VKORC1L1: variants seen among roughly 807,000 people sequenced by gnomAD.
VKORC1L1 encodes vitamin K epoxide reductase complex subunit 1L1, also known as vitamin K epoxide reductase complex subunit 1-like protein 1.
VKORC1L1 carries 2 observed loss-of-function variants against 18.9 expected under a neutral mutation model. The ratio of observed to expected loss-of-function variants is 0.11; its 90% CI spans 0.04 to 0.33. VKORC1L1 has a LOEUF of 0.33. Ranked by LOEUF, VKORC1L1 falls within the 10% of genes least tolerant of loss-of-function variation. The probability of loss-of-function intolerance (pLI) is 1.00; values close to 1 mark genes in which losing one functional copy is unlikely to be tolerated. For missense variants in VKORC1L1, 123 were observed against 224.1 expected (o/e 0.55, Z 2.88); for synonymous variants, 96 against 100.0 (o/e 0.96, Z 0.24).
In VKORC1L1 at chr7:65,942,372, G is replaced by A. The variant is rs535777736; in HGVS notation, c.195-6299G>A. ...CCTGACATGGTGGCGGGCACCTATA[G>A]TCCCAGCTACTTGGGAGGCTGAGGC... On this transcript the variant is annotated intron_variant, in intron 1 of 2. Coordinates refer to ENST00000360768, the MANE Select transcript of VKORC1L1 (RefSeq NM_173517.6). Among the ~76,000 whole-genome samples, 216 of 150,806 alleles carry A rather than the reference G, an allele frequency of 1.4e-3. 1 individual carries two copies. Among genetic ancestry groups the A allele is most frequent in the African/African-American group, 4.6e-3 (189 of 41,224 alleles).
chr7:65,888,962 T>C (rs1789061346), intron 1 of VKORC1L1, among the ~76,000 whole-genome samples: 1 of 152,094 alleles, frequency 6.6e-6, no homozygotes, highest in South Asian at 2.1e-4. Flanking sequence ...GTACCCATAA[T>C]CCATGTCCTC....
At chr7:65,917,863 G>A (rs1789613877) in intron 1 of VKORC1L1, among the ~76,000 whole-genome samples, 1 of 152,146 alleles carries the variant, frequency 6.6e-6, no homozygotes, top group African/African-American at 2.4e-5. Flanking sequence ...GTACGCCTAA[G>A]TAAGCCAAAA....
chr7:65,874,548 C>A (rs1446489081), intron 1 of VKORC1L1, among the ~76,000 whole-genome samples: 1 of 152,090 alleles, frequency 6.6e-6, no homozygotes. Context: ...TGGCTCACGC[C>A]TGTAATCCCA....
chr7:65,944,992 G>A (rs1790094710), intron 1 of VKORC1L1, among the ~76,000 whole-genome samples: 1 of 152,074 alleles, frequency 6.6e-6, no homozygotes, highest in Admixed American at 6.6e-5. Context: ...TGGGTGCGGT[G>A]GCTGATGCCT....
Position 65,956,367 on chromosome 7 carries a change from A to G in VKORC1L1, c.*2067A>G, listed in dbSNP as rs1325993111. The G allele has an allele frequency of 2.0e-5, 3 of 152,330 alleles. No homozygotes were observed. The highest frequency in any genetic ancestry group is 6.5e-5 in the Admixed American group (1 of 15,304). The allele number at this position is 152,330 out of a possible 1,614,324, so 9.4% of individuals were successfully genotyped here. A position where few individuals can be genotyped will look rare whatever the true frequency, so the allele number is the denominator to read the frequency against. On this transcript the variant is annotated 3_prime_UTR_variant, in exon 3 of 3. Coordinates refer to ENST00000360768, the MANE Select transcript of VKORC1L1 (RefSeq NM_173517.6). ...CAAGTTCCTCGTGTCCCAATATCCA[A>G]TGGTTTTTCATCCTATTTTGTATCA...
At chr7:65,895,970 A>C (rs1235588481) in intron 1 of VKORC1L1, among the ~76,000 whole-genome samples, 1 of 135,096 alleles carries the variant, frequency 7.4e-6, no homozygotes. Flanking sequence ...ATCTCGGCTC[A>C]CTGCAACCTC....
rs1371559653 is a variant in VKORC1L1, at chr7:65,958,156, A to AACT, written c.*3859_*3861dup. On this transcript the variant is annotated 3_prime_UTR_variant, in exon 3 of 3. Transcript: ENST00000360768. ...AGCACTTATGGTTTCTAATTGTGAG[A>AACT]ACTACCCTTCCATCAAACAAAAAGG... 1 of 152,246 alleles carries AACT rather than the reference A, an allele frequency of 6.6e-6. No individual in the cohort carries two copies. The highest frequency in any genetic ancestry group is 1.5e-5 in the Non-Finnish European group (1 of 68,044). The allele number at this position is 152,246 out of a possible 1,614,324, so 9.4% of individuals were successfully genotyped here.
chr7:65,931,022 C>T (rs1441721364), intron 1 of VKORC1L1, among the ~76,000 whole-genome samples: 2 of 152,074 alleles, frequency 1.3e-5, no homozygotes, highest in African/African-American at 2.4e-5. Flanking sequence ...TGATGAATTA[C>T]GCTGATTGGT....
Position 65,958,986 on chromosome 7 carries a change from T to G in VKORC1L1, c.*4686T>G, listed in dbSNP as rs1265025748. 6 of 152,256 alleles carry G rather than the reference T, an allele frequency of 3.9e-5. No homozygotes were observed. Among genetic ancestry groups the G allele is most frequent in the Admixed American group, 2.0e-4 (3 of 15,286 alleles). The allele number at this position is 152,256 out of a possible 1,614,324, so 9.4% of individuals were successfully genotyped here. On this transcript the variant is annotated 3_prime_UTR_variant, in exon 3 of 3. Coordinates refer to ENST00000360768, the MANE Select transcript of VKORC1L1 (RefSeq NM_173517.6). The stretch of plus-strand genomic sequence containing the variant: ...CACGGAATAGAACAAGTGTGTTCTG[T>G]GCTGGAGCTCAAGACCTGTGGAAAG...
intron 1 of VKORC1L1, among the ~76,000 whole-genome samples, chr7:65,933,849 G>A (rs1400576197): frequency 6.6e-6 from 1 of 152,040 alleles, no homozygotes; most frequent in Non-Finnish European, 1.5e-5. Context: ...AGAGATTACA[G>A]TATGCACACA....
chr7:65,897,528 T>G (rs1211706912), intron 1 of VKORC1L1, among the ~76,000 whole-genome samples: 3 of 152,150 alleles, frequency 2.0e-5, no homozygotes, highest in Non-Finnish European at 4.4e-5. Flanking sequence ...ATGAATGAAT[T>G]ACAGTTCACC....
At chr7:65,876,057 GA>G (rs1267347354) in intron 1 of VKORC1L1, among the ~76,000 whole-genome samples, 1 of 152,138 alleles carries the variant, frequency 6.6e-6, no homozygotes, top group Non-Finnish European at 1.5e-5. Context: ...CATAATGATG[GA>G]AAGTTCCAGA....
chr7:65,893,142 T>C (rs530096282), intron 1 of VKORC1L1, among the ~76,000 whole-genome samples: 26 of 152,320 alleles, frequency 1.7e-4, no homozygotes, highest in Admixed American at 1.0e-3. Flanking sequence ...TTCTCACTCA[T>C]TTTTTTAATC....
At position 65,954,912 on chromosome 7, in the gene VKORC1L1, T is replaced by C. The variant is rs1034811949; in HGVS notation, c.*612T>C. ...CTGAGGAGATAGTGAAAATAGCCTA[T>C]ACACAGCATCTTGTGAAAAGTACTG... On this transcript the variant is annotated 3_prime_UTR_variant, in exon 3 of 3. Coordinates refer to ENST00000360768, the MANE Select transcript of VKORC1L1 (RefSeq NM_173517.6). 6.6e-6 allele frequency: 1 copy of C among 152,528 alleles called. No homozygotes were observed. Among genetic ancestry groups the C allele is most frequent in the Admixed American group, 6.5e-5 (1 of 15,308 alleles). The allele number at this position is 152,528 out of a possible 1,614,324, so 9.4% of individuals were successfully genotyped here.
At chr7:65,904,898 A>G (rs775859334) in intron 1 of VKORC1L1, among the ~76,000 whole-genome samples, 54 of 152,230 alleles carry the variant, frequency 3.5e-4, no homozygotes, top group Middle Eastern at 3.4e-3. Flanking sequence ...GTCTGTGTAT[A>G]TATATGTGTG....
intron 2 of VKORC1L1, among the ~76,000 whole-genome samples, chr7:65,949,365 G>T (rs1315197341): frequency 6.6e-6 from 1 of 152,020 alleles, no homozygotes; most frequent in East Asian, 1.9e-4. Flanking sequence ...TGTAATCCCA[G>T]CTACTCATGA....
At chr7:65,868,503 T>A (rs1157874195), upstream of VKORC1L1, among the ~76,000 whole-genome samples, 5 of 152,042 alleles carry the variant, frequency 3.3e-5, no homozygotes, top group Non-Finnish European at 7.4e-5. Context: ...AATCAATATA[T>A]CAAAAAGTAC....
In VKORC1L1 at chr7:65,916,601, C is replaced by CT. The variant is rs869187039; in HGVS notation, c.195-32056dup. On this transcript the variant is annotated intron_variant, in intron 1 of 2. Transcript: ENST00000360768. Reference sequence around the variant, plus strand: ...GGTCATTGTTTGATATAGGAAACATCTTTTTTTTTTTTTTGAGATGGAGTT... The same window carrying CT: ...GGTCATTGTTTGATATAGGAAACATCTTTTTTTTTTTTTTTGAGATGGAGTT... 5.3e-3 allele frequency among the ~76,000 whole-genome samples: 757 copies of CT among 143,492 alleles called. 6 individuals are homozygous for CT. The highest frequency in any genetic ancestry group is 0.013 in the African/African-American group (510 of 39,320). The allele number at this position is 143,492 out of a possible 152,430, so 94.1% of individuals were successfully genotyped here. A position where few individuals can be genotyped will look rare whatever the true frequency, so the allele number is the denominator to read the frequency against.
intron 1 of VKORC1L1, among the ~76,000 whole-genome samples, chr7:65,921,866 T>A (rs1789681928): frequency 6.6e-6 from 1 of 151,894 alleles, no homozygotes; most frequent in African/African-American, 2.4e-5. Flanking sequence ...AAAAAAAATT[T>A]TTTTTAGAGA....
Sources: gnomAD v4.1 joint callset for allele counts (sites outside exome capture counted in the v4.1 genomes callset) on GRCh38, gnomAD v4.1.1 for gene constraint, MANE v1.5 for transcripts, NCBI Gene and HGNC (gene_info 2026-07-23, HGNC 2026-07-21) for gene names.